LDAH: variants seen among roughly 807,000 people sequenced by gnomAD.
LDAH encodes lipid droplet associated hydrolase, also known as lipid droplet-associated hydrolase.
A neutral mutation model predicts 29.6 loss-of-function variants in LDAH; 26 were observed. The observed-to-expected ratio is 0.88, with a 90% confidence interval of 0.64 to 1.22. The LOEUF (loss-of-function observed/expected upper bound fraction) is 1.22, where lower values mean the gene tolerates loss of function less well. LDAH is among the 50% of genes most tolerant of loss of function. The pLI is 0.00. For missense variants in LDAH, 344 were observed against 387.3 expected (o/e 0.89, Z 0.94); for synonymous variants, 117 against 133.0 (o/e 0.88, Z 0.83).
In LDAH at chr2:20,698,672, T is replaced by C. The variant is rs1663686127; in HGVS notation, c.786+2898A>G. Reference sequence around the variant, plus strand: ...TCTAGCCTGGGCGACAGTGCAAGACTCTGTCTCAAAAAAACAAAAAAAGGA... The same window carrying C: ...TCTAGCCTGGGCGACAGTGCAAGACCCTGTCTCAAAAAAACAAAAAAAGGA... On this transcript the variant is annotated intron_variant, in intron 6 of 6. Transcript: ENST00000237822. This position sits in a 1 kb window ranked among gnomAD's most constrained non-coding sequence, Gnocchi z 4.4. Among the ~76,000 whole-genome samples the C allele has an allele frequency of 6.6e-6, 1 of 152,104 alleles. No homozygotes were observed. Among genetic ancestry groups the C allele is most frequent in the Admixed American group, 6.6e-5 (1 of 15,250 alleles).
chr2:20,821,537 G>A (rs1447272489), intron 1 of LDAH, among the ~76,000 whole-genome samples: 1 of 152,062 alleles, frequency 6.6e-6, no homozygotes, highest in Non-Finnish European at 1.5e-5. Context: ...AACACCACAT[G>A]TTCTCACTCA....
At chr2:20,706,298 A>C (rs539065441) in intron 5 of LDAH, among the ~76,000 whole-genome samples, 1 of 152,342 alleles carries the variant, frequency 6.6e-6, no homozygotes, top group Non-Finnish European at 1.5e-5. Flanking sequence ...TATAACTCCC[A>C]TTAGCCTTCT....
At chr2:20,791,054 A>G (rs934683181) in intron 2 of LDAH, among the ~76,000 whole-genome samples, 68 of 152,228 alleles carry the variant, frequency 4.5e-4, no homozygotes, top group African/African-American at 1.5e-3. Context: ...TGATCAGTTT[A>G]TCTATTTCTT....
intron 1 of LDAH, among the ~76,000 whole-genome samples, chr2:20,801,930 A>ATGTGTGTGTGTG (rs35921690): frequency 7.1e-6 from 1 of 140,138 alleles, no homozygotes; most frequent in African/African-American, 2.7e-5. Flanking sequence ...CCCAAATTCT[A>ATGTGTGTGTGTG]TGTGTGTGTG....
chr2:20,753,653 T>C (rs1668111872), intron 4 of LDAH, among the ~76,000 whole-genome samples: 1 of 152,206 alleles, frequency 6.6e-6, no homozygotes, highest in African/African-American at 2.4e-5. Context: ...CTTAGTCACT[T>C]TGCTCCAGTC....
At chr2:20,735,022 T>C (rs187933443) in intron 5 of LDAH, among the ~76,000 whole-genome samples, 5 of 152,352 alleles carry the variant, frequency 3.3e-5, no homozygotes, top group South Asian at 2.1e-4. Context: ...ATGAATAATG[T>C]ACCGCTTTGC....
intron 6 of LDAH, among the ~76,000 whole-genome samples, chr2:20,696,511 A>G (rs992149482): frequency 2.0e-5 from 3 of 152,174 alleles, no homozygotes; most frequent in African/African-American, 7.2e-5. Flanking sequence ...TCAGATTCCT[A>G]CTTACTGATA....
At chr2:20,710,606 G>GTGTGTATATATATATA (rs1467950593) in intron 5 of LDAH, among the ~76,000 whole-genome samples, 19 of 131,870 alleles carry the variant, frequency 1.4e-4, no homozygotes, top group African/African-American at 4.4e-4. Flanking sequence ...GTGTGTGTGT[G>GTGTGTATATATATATA]TATATATATA....
chr2:20,783,115 T>C lies in LDAH; in HGVS notation c.298+7140A>G, dbSNP rs571510909. ...GTGTGTTGTTTAACTTCTAAATATATTGGGATTTCCTAGCTATGTTTCTGT... is the reference window on the plus strand; with the variant it reads ...GTGTGTTGTTTAACTTCTAAATATACTGGGATTTCCTAGCTATGTTTCTGT... On this transcript the variant is annotated intron_variant, in intron 3 of 6. Transcript: ENST00000237822. Among the ~76,000 whole-genome samples, 10 of 152,346 alleles carry C rather than the reference T, an allele frequency of 6.6e-5. No homozygotes were observed. In the South Asian group the frequency reaches 1.2e-3, roughly 19 times the overall value.
intron 3 of LDAH, among the ~76,000 whole-genome samples, chr2:20,779,252 C>T (rs559205119): frequency 6.6e-6 from 1 of 152,062 alleles, no homozygotes; most frequent in Admixed American, 6.6e-5. Flanking sequence ...GATGAAAATA[C>T]AGTTTCCTTG....
At chr2:20,756,451 G>A (rs970035854) in intron 4 of LDAH, among the ~76,000 whole-genome samples, 1 of 152,016 alleles carries the variant, frequency 6.6e-6, no homozygotes, top group African/African-American at 2.4e-5. Flanking sequence ...AAGGAATTCA[G>A]AATGAATACA....
intron 4 of LDAH, among the ~76,000 whole-genome samples, chr2:20,765,050 T>C (rs912534148): frequency 6.6e-6 from 1 of 152,226 alleles, no homozygotes; most frequent in African/African-American, 2.4e-5. Flanking sequence ...ATATGTAATA[T>C]ATGTTCCCCC....
intron 5 of LDAH, among the ~76,000 whole-genome samples, chr2:20,715,845 G>A (rs1665138803): frequency 6.6e-6 from 1 of 152,106 alleles, no homozygotes; most frequent in African/African-American, 2.4e-5. Flanking sequence ...ACCTCTTAAA[G>A]GAGAACTACG....
intron 3 of LDAH, among the ~76,000 whole-genome samples, chr2:20,775,483 T>C (rs1669747134): frequency 6.6e-6 from 1 of 152,216 alleles, no homozygotes; most frequent in African/African-American, 2.4e-5. Context: ...GTTGATGCAC[T>C]GGGTCCCAGT....
intron 5 of LDAH, among the ~76,000 whole-genome samples, chr2:20,730,813 C>G (rs1337578475): frequency 6.6e-6 from 1 of 152,126 alleles, no homozygotes; most frequent in Non-Finnish European, 1.5e-5. Flanking sequence ...CCTCTTTTAT[C>G]AAATTGCTTT....
At chr2:20,798,846 C>T (rs1010244792) in intron 2 of LDAH, among the ~76,000 whole-genome samples, 5 of 152,064 alleles carry the variant, frequency 3.3e-5, no homozygotes, top group African/African-American at 9.7e-5. Flanking sequence ...CACACCACTG[C>T]ACTCCAACCT....
Position 20,734,781 on chromosome 2 carries a change from G to A in LDAH, c.703+5190C>T, listed in dbSNP as rs550877039. ...TTCCTTCTTTTATCATTTCCTCTCT[G>A]TTGAGAGAACTTCCTGCAGTTATTC... On this transcript the variant is annotated intron_variant, in intron 5 of 6. Coordinates refer to ENST00000237822, the MANE Select transcript of LDAH (RefSeq NM_021925.4). Among the ~76,000 whole-genome samples the A allele has an allele frequency of 1.4e-3, 216 of 152,244 alleles. 4 individuals carry two copies. In the South Asian group the frequency reaches 0.041, roughly 29 times the overall value.
At chr2:20,789,236 T>C in intron 3 of LDAH, 9 of 1,550,496 alleles carry the variant, frequency 5.8e-6, no homozygotes, top group Non-Finnish European at 7.0e-6. Flanking sequence ...AGAGGGGTCT[T>C]TGGGAAGTAA....
intron 2 of LDAH, among the ~76,000 whole-genome samples, chr2:20,798,211 C>G (rs909566442): frequency 6.6e-6 from 1 of 152,046 alleles, no homozygotes; most frequent in African/African-American, 2.4e-5. Context: ...ATATGCTCTA[C>G]CAAAAACAAG....
Sources: gnomAD v4.1 joint callset for allele counts (sites outside exome capture counted in the v4.1 genomes callset) on GRCh38, gnomAD v4.1.1 for gene constraint, Gnocchi (gnomAD v3.1) non-coding constraint, MANE v1.5 for transcripts, NCBI Gene and HGNC (gene_info 2026-07-23, HGNC 2026-07-21) for gene names.